Variants in CLPB observed in about 807,000 individuals in gnomAD.
CLPB encodes mitochondrial disaggregase.
A neutral mutation model predicts 78.4 loss-of-function variants in CLPB; 40 were observed. The observed-to-expected ratio is 0.51, with a 90% confidence interval of 0.40 to 0.66. CLPB has a LOEUF of 0.66. CLPB is among the 30% of genes least tolerant of loss of function. The pLI, the probability that CLPB is intolerant of heterozygous loss-of-function variation, is 0.00. For missense variants in CLPB, 780 were observed against 886.9 expected, an observed-to-expected ratio of 0.88 and a Z score of 1.53; for synonymous variants, 333 against 348.0, an observed-to-expected ratio of 0.96 and a Z score of 0.48.
At chr11:72,306,532 G>A (rs1244398633) in intron 9 of CLPB, among the ~76,000 whole-genome samples, 1 of 152,202 alleles carries the variant, frequency 6.6e-6, no homozygotes, top group Non-Finnish European at 1.5e-5. Flanking sequence ...TCCCTAAAAA[G>A]TTAAACTGAG....
chr11:72,397,467 G>A (rs1243877552), intron 3 of CLPB, among the ~76,000 whole-genome samples: 2 of 152,102 alleles, frequency 1.3e-5, no homozygotes, highest in Admixed American at 1.3e-4. Context: ...TTTCCAATGT[G>A]GCTATACCAT....
intron 3 of CLPB, among the ~76,000 whole-genome samples, chr11:72,394,129 G>T (rs1260323330): frequency 2.0e-5 from 3 of 152,170 alleles, no homozygotes; most frequent in Non-Finnish European, 4.4e-5. Context: ...TACTCATATA[G>T]ATGTCATTAG....
intron 4 of CLPB, among the ~76,000 whole-genome samples, chr11:72,361,012 T>A (rs536214354): frequency 2.1e-4 from 32 of 152,276 alleles, no homozygotes; most frequent in African/African-American, 7.2e-4. Context: ...TTGGCTCTTA[T>A]TCCATCCTGT....
intron 4 of CLPB, among the ~76,000 whole-genome samples, chr11:72,360,540 C>T (rs540002701): frequency 2.6e-5 from 4 of 152,020 alleles, no homozygotes; most frequent in South Asian, 2.1e-4. Context: ...TCGGTTCAAG[C>T]GTTTCTCTGC....
At chr11:72,331,045 T>C (rs949479030) in intron 5 of CLPB, among the ~76,000 whole-genome samples, 2 of 152,098 alleles carry the variant, frequency 1.3e-5, no homozygotes, top group African/African-American at 4.8e-5. Flanking sequence ...ATTGCAAGTC[T>C]CTACTTTAAA....
At chr11:72,344,156 C>T (rs112875937) in intron 5 of CLPB, among the ~76,000 whole-genome samples, 83 of 152,266 alleles carry the variant, frequency 5.5e-4, no homozygotes, top group African/African-American at 2.0e-3. Context: ...TCCATGGGTG[C>T]AGTAATCTAT....
At chr11:72,337,873 G>A (rs1185099649) in intron 5 of CLPB, among the ~76,000 whole-genome samples, 1 of 152,168 alleles carries the variant, frequency 6.6e-6, no homozygotes, top group African/African-American at 2.4e-5. Flanking sequence ...GACAAGATGA[G>A]GCTCCCTTTC....
chr11:72,395,643 A>G (rs1855382945), intron 3 of CLPB, among the ~76,000 whole-genome samples: 1 of 152,246 alleles, frequency 6.6e-6, no homozygotes, highest in African/African-American at 2.4e-5. Flanking sequence ...GAGATCACAC[A>G]GCACAAAGCC....
chr11:72,414,035 G>A (rs1439028514), intron 2 of CLPB, among the ~76,000 whole-genome samples: 2 of 152,176 alleles, frequency 1.3e-5, no homozygotes, highest in Non-Finnish European at 2.9e-5. Flanking sequence ...GAGCCACAGG[G>A]ATGACTTCCT....
At chr11:72,366,694 C>G (rs916985679) in intron 4 of CLPB, among the ~76,000 whole-genome samples, 1 of 152,096 alleles carries the variant, frequency 6.6e-6, no homozygotes, top group African/African-American at 2.4e-5. Flanking sequence ...AAATCAAACC[C>G]ACAATGAGAT....
chr11:72,290,316 C>T lies in CLPB; in HGVS notation c.*3051G>A. On this transcript the variant is annotated 3_prime_UTR_variant, in exon 16 of 16. Transcript: ENST00000538039. ...ATAAACTGTTAGCATTAGATTGTAG[C>T]CTGTAGAATAAAACAGATATCCACT... is the stretch of plus-strand genomic sequence containing the variant. 6.6e-6 allele frequency: 1 copy of T among 152,084 alleles called. No individual in the cohort carries two copies. Among genetic ancestry groups the T allele is most frequent in the East Asian group, 1.9e-4 (1 of 5,190 alleles). 9.4% of individuals were successfully genotyped at this position (152,084 alleles called of 1,614,324 possible).
chr11:72,371,206 G>A (rs544538738), intron 4 of CLPB, among the ~76,000 whole-genome samples: 5 of 152,078 alleles, frequency 3.3e-5, no homozygotes, highest in African/African-American at 1.2e-4. Flanking sequence ...TGGGACCACA[G>A]GCACAACCCA....
intron 11 of CLPB, among the ~76,000 whole-genome samples, chr11:72,300,117 G>T (rs1355951710): frequency 6.6e-6 from 1 of 152,142 alleles, no homozygotes; most frequent in Non-Finnish European, 1.5e-5. Flanking sequence ...CAAGCTGCAG[G>T]ATCTAGAACT....
intron 4 of CLPB, among the ~76,000 whole-genome samples, chr11:72,361,605 C>G (rs1201800859): frequency 6.6e-6 from 1 of 152,160 alleles, no homozygotes; most frequent in African/African-American, 2.4e-5. Context: ...AAAAGGAATT[C>G]AGAGTACAGC....
chr11:72,424,682 T>C (rs978681414), intron 2 of CLPB, among the ~76,000 whole-genome samples: 2 of 151,522 alleles, frequency 1.3e-5, no homozygotes, highest in African/African-American at 4.9e-5. Context: ...GATCACGAGG[T>C]CAGACCATCC....
At chr11:72,300,604 G>A (rs1458129349) in intron 11 of CLPB, among the ~76,000 whole-genome samples, 6 of 152,198 alleles carry the variant, frequency 3.9e-5, no homozygotes, top group African/African-American at 1.4e-4. Context: ...GGAAGGCAGT[G>A]AGCAGCTGGT....
At chr11:72,346,288 G>C (rs1015104052) in intron 5 of CLPB, among the ~76,000 whole-genome samples, 1 of 152,002 alleles carries the variant, frequency 6.6e-6, no homozygotes, top group African/African-American at 2.4e-5. Flanking sequence ...GTGCATTCAC[G>C]TTATAAACAA....
chr11:72,360,277 G>A (rs936960597), intron 4 of CLPB, among the ~76,000 whole-genome samples: 7 of 152,142 alleles, frequency 4.6e-5, no homozygotes, highest in African/African-American at 1.2e-4. Context: ...ACTGGATAAA[G>A]GGGTACACTC....
intron 9 of CLPB, among the ~76,000 whole-genome samples, chr11:72,306,815 C>G (rs1440228141): frequency 6.6e-6 from 1 of 152,194 alleles, no homozygotes; most frequent in Non-Finnish European, 1.5e-5. Context: ...GCTGTTTCCC[C>G]CTCCAACCTG....
Sources: allele counts gnomAD v4.1 joint callset (sites outside exome capture counted in the v4.1 genomes callset), GRCh38; gene constraint gnomAD v4.1.1; transcripts MANE v1.5; gene names NCBI Gene and HGNC (gene_info 2026-07-23, HGNC 2026-07-21).